Variants in SRRM3 observed in about 807,000 individuals in gnomAD.
SRRM3 encodes serine/arginine repetitive matrix 3.
In SRRM3, 27 loss-of-function variants were observed where a neutral mutation model predicts 66.2. The ratio of observed to expected loss-of-function variants is 0.41; its 90% CI spans 0.30 to 0.56. The LOEUF is 0.56. SRRM3 is among the 20% of genes least tolerant of loss of function. SRRM3 has a pLI of 0.32. For synonymous variants in SRRM3, 391 were observed against 414.9 expected (o/e 0.94, Z 0.70); for missense variants, 918 against 991.9 (o/e 0.93, Z 1.00).
chr7:76,277,990 C>T (rs113949495), intron 11 of SRRM3, among the ~76,000 whole-genome samples: 6 of 152,300 alleles, frequency 3.9e-5, no homozygotes, highest in Non-Finnish European at 5.9e-5. Flanking sequence ...CACTCTTTGA[C>T]GACCCAGGGT....
Position 76,279,562 on chromosome 7 carries a change from G to C in SRRM3, c.1009-1879G>C, listed in dbSNP as rs567142119. 2.7e-5 allele frequency among the ~76,000 whole-genome samples: 4 copies of C among 150,452 alleles called. No homozygotes were observed. The South Asian group carries it at 6.5e-4, about 24-fold the overall frequency. Reference sequence around the variant, plus strand: ...GGAGGAGGGATCAGCTCTGTGTAGGGAGGGAGACAGGGAGGGCGGGCAGGG... The same window carrying C: ...GGAGGAGGGATCAGCTCTGTGTAGGCAGGGAGACAGGGAGGGCGGGCAGGG... On this transcript the variant is annotated intron_variant, in intron 11 of 14. Coordinates refer to ENST00000611745, the MANE Select transcript of SRRM3 (RefSeq NM_001110199.3).
Position 76,265,770 on chromosome 7 carries a change from AATATTTATAT to A in SRRM3, c.830+315_830+324del, listed in dbSNP as rs1207575475. On this transcript the variant is annotated intron_variant, in intron 10 of 14. Coordinates refer to ENST00000611745, the MANE Select transcript of SRRM3 (RefSeq NM_001110199.3). ...TTATTATATATAATTATATATATTT[AATATTTATAT>A]ATATTTATATATTTAATATTTATAT... Among the ~76,000 whole-genome samples the A allele has an allele frequency of 6.2e-3, 838 of 134,256 alleles. 12 individuals carry two copies. The highest frequency in any genetic ancestry group is 0.024 in the Admixed American group (289 of 11,950). The allele number at this position is 134,256 out of a possible 152,430, so 88.1% of individuals were successfully genotyped here. A position where few individuals can be genotyped will look rare whatever the true frequency, so the allele number is the denominator to read the frequency against.
intron 2 of SRRM3, among the ~76,000 whole-genome samples, chr7:76,235,727 T>A (rs1583892301): frequency 6.6e-6 from 1 of 151,432 alleles, no homozygotes; most frequent in East Asian, 2.0e-4. Context: ...AAAATTTAGC[T>A]GGGCGCGGTG....
intron 1 of SRRM3, among the ~76,000 whole-genome samples, chr7:76,231,564 G>A (rs1342041913): frequency 6.6e-6 from 1 of 152,212 alleles, no homozygotes; most frequent in South Asian, 2.1e-4. Context: ...GCTCTCACCC[G>A]CGCCTTCGCG....
Position 76,248,190 on chromosome 7 carries a change from A to T in SRRM3, c.236A>T (p.Tyr79Phe). Residue 79 changes from tyrosine to phenylalanine, a missense_variant and splice_region_variant, in exon 3 of 15, where the codon TAT becomes TTT. By Grantham distance (22) the Tyr-to-Phe change is conservative (BLOSUM62 3). Transcript: ENST00000611745. ...TCACCCTCTCTGTGCCCCTGCAGGT[A>T]TTCGGAGGAGGAGATTCGGCAGAAA... The part of the protein sequence containing the change: ...ELQEMMEEQG[Y>F]SEEEIRQKVG... 6.2e-7 allele frequency: 1 copy of T among 1,612,492 alleles called. No individual in the cohort carries two copies. The highest frequency in any genetic ancestry group is 8.5e-7 in the Non-Finnish European group (1 of 1,179,156).
At position 76,267,443 on chromosome 7, in the gene SRRM3, C is replaced by G; in HGVS notation, c.1008+8C>G. The G allele has an allele frequency of 7.5e-7, 1 of 1,341,314 alleles. No individual in the cohort carries two copies. The highest frequency in any genetic ancestry group is 9.5e-7 in the Non-Finnish European group (1 of 1,050,690). 83.1% of individuals were successfully genotyped at this position (1,341,314 alleles called of 1,614,324 possible). On this transcript the variant is annotated splice_region_variant and intron_variant, in intron 11 of 14. Coordinates refer to ENST00000611745, the MANE Select transcript of SRRM3 (RefSeq NM_001110199.3). ...GCGCACAGCCCGCCCGATGTACGTACGCTTCGCTTTGCGGAGGGTTCCCGC... is the reference window on the plus strand; with the variant it reads ...GCGCACAGCCCGCCCGATGTACGTAGGCTTCGCTTTGCGGAGGGTTCCCGC...
chr7:76,282,576 A>G (rs1208696699), intron 12 of SRRM3, 72 bp from the exon 13 acceptor site: 18 of 103,820 alleles, frequency 1.7e-4, no homozygotes, highest in South Asian at 2.3e-4. Context: ...GCCCCGCCCC[A>G]GGGAACCCTC....
At chr7:76,225,493 G>T (rs28566818) in intron 1 of SRRM3, among the ~76,000 whole-genome samples, 14,566 of 60,144 alleles carry the variant, frequency 0.24, 785 homozygotes, top group Middle Eastern at 0.38. Context: ...CCCTTTCCCC[G>T]GCAAAAGAGG....
chr7:76,261,471 A>C (rs1306930092), intron 7 of SRRM3, 57 bp downstream of exon 7: 3 of 1,598,548 alleles, frequency 1.9e-6, no homozygotes, highest in Admixed American at 3.5e-5. Flanking sequence ...GCCCAGGGCC[A>C]GGGCTGTGGC....
chr7:76,274,716 G>A (rs926134559), intron 11 of SRRM3, among the ~76,000 whole-genome samples: 7 of 152,346 alleles, frequency 4.6e-5, no homozygotes, highest in Non-Finnish European at 2.9e-5. Flanking sequence ...CAGCCACACT[G>A]AGGGTACTAG....
intron 1 of SRRM3, among the ~76,000 whole-genome samples, chr7:76,202,490 G>A (rs1554600718): frequency 6.6e-6 from 1 of 152,146 alleles, no homozygotes; most frequent in African/African-American, 2.4e-5. Context: ...CCTCTGTCCA[G>A]CAGGAGGTGC....
chr7:76,263,700 A>G (rs1430974456), intron 8 of SRRM3, among the ~76,000 whole-genome samples: 2 of 151,754 alleles, frequency 1.3e-5, no homozygotes, highest in Non-Finnish European at 2.9e-5. Context: ...TTTCTACTAA[A>G]ACAAACAAAC....
chr7:76,267,135 A>G (rs1307404814), intron 10 of SRRM3, 123 bp from the exon 11 acceptor site: 3 of 931,776 alleles, frequency 3.2e-6, no homozygotes, highest in Non-Finnish European at 4.4e-6. Flanking sequence ...CAGCATGGTG[A>G]AAAGGCAGGT....
At chr7:76,257,789 A>G (rs1273179904) in intron 3 of SRRM3, among the ~76,000 whole-genome samples, 2 of 152,028 alleles carry the variant, frequency 1.3e-5, no homozygotes, top group Non-Finnish European at 2.9e-5. Context: ...AAAATAAAAA[A>G]TAAAAAATAA....
intron 1 of SRRM3, among the ~76,000 whole-genome samples, chr7:76,208,578 T>C (rs1173695225): frequency 4.0e-5 from 6 of 151,792 alleles, no homozygotes; most frequent in Non-Finnish European, 7.4e-5. Flanking sequence ...CTCACGCCTG[T>C]AATCCCAGCA....
chr7:76,257,863 C>G (rs999480281), intron 3 of SRRM3, among the ~76,000 whole-genome samples: 1 of 152,228 alleles, frequency 6.6e-6, no homozygotes, highest in Non-Finnish European at 1.5e-5. Context: ...TTATCACTCT[C>G]ACCTTCGAGA....
Position 76,235,112 on chromosome 7 carries a change from C to A in SRRM3, c.46C>A (p.Pro16Thr). The change falls in exon 2 of 15, where the codon CCC becomes ACC. Residue 16 changes from proline (P) to threonine (T), a missense_variant. Coordinates refer to ENST00000611745, the MANE Select transcript of SRRM3 (RefSeq NM_001110199.3). ...CGGGGCGGCCAGCATGCAGTCCACA[C>A]CCGACGCCGCGAACGGCTTCCCGCA... ...NNGAASMQST[P>T]DAANGFPQPS... The A allele has an allele frequency of 6.3e-7, 1 of 1,587,642 alleles. No homozygotes were observed. The highest frequency in any genetic ancestry group is 1.1e-5 in the South Asian group (1 of 88,184).
chr7:76,241,631 G>A (rs1801298806), intron 2 of SRRM3, among the ~76,000 whole-genome samples: 1 of 152,102 alleles, frequency 6.6e-6, no homozygotes, highest in Admixed American at 6.5e-5. Flanking sequence ...GGCCTCCCGA[G>A]TAGCTGGGAC....
Position 76,235,309 on chromosome 7 carries a change from CCGCGGGGCGGGA to C in SRRM3, c.233+12_233+23del. 1 of 1,494,358 alleles carries C rather than the reference CCGCGGGGCGGGA, an allele frequency of 6.7e-7. No homozygotes were observed. 92.6% of individuals were successfully genotyped at this position (1,494,358 alleles called of 1,614,324 possible). ...TGATGGAGGAGCAGGGGTGAGCAGG[CCGCGGGGCGGGA>C]CTGGGGTGGGGAGATAGGCGGGGCG... On this transcript the variant is annotated intron_variant, in intron 2 of 14. Coordinates refer to ENST00000611745, the MANE Select transcript of SRRM3 (RefSeq NM_001110199.3).
Sources: allele counts gnomAD v4.1 joint callset (sites outside exome capture counted in the v4.1 genomes callset), GRCh38; gene constraint gnomAD v4.1.1; transcripts MANE v1.5; gene names NCBI Gene and HGNC (gene_info 2026-07-23, HGNC 2026-07-21).